PMEPA1: variants seen among roughly 807,000 people sequenced by gnomAD.
PMEPA1 encodes the protein protein TMEPAI.
In PMEPA1, 11 loss-of-function variants were observed where a neutral mutation model predicts 23.0. That is an observed-to-expected ratio of 0.48 (90% confidence interval 0.30 to 0.79). The LOEUF (loss-of-function observed/expected upper bound fraction) is 0.79, where lower values mean the gene tolerates loss of function less well. Ranked by LOEUF, PMEPA1 falls within the 30% of genes least tolerant of loss-of-function variation. PMEPA1 has a pLI of 0.06. For synonymous variants in PMEPA1, 204 were observed against 166.4 expected (o/e 1.23, Z -1.74); for missense variants, 377 against 390.9 (o/e 0.96, Z 0.30).
At chr20:57,663,996 C>T (rs2071458438) in intron 1 of PMEPA1, among the ~76,000 whole-genome samples, 1 of 152,234 alleles carries the variant, frequency 6.6e-6, no homozygotes, top group South Asian at 2.1e-4. Context: ...GAGGAGGCAC[C>T]TTCCACGCAC....
intron 1 of PMEPA1, among the ~76,000 whole-genome samples, chr20:57,707,070 G>T (rs1192658978): frequency 2.0e-5 from 3 of 152,308 alleles, no homozygotes; most frequent in East Asian, 3.9e-4. Context: ...TCTGCCAAAA[G>T]AAGGTATCTT....
At chr20:57,654,559 ATTC>A (rs1266368024) in intron 2 of PMEPA1, among the ~76,000 whole-genome samples, 1 of 152,104 alleles carries the variant, frequency 6.6e-6, no homozygotes, top group African/African-American at 2.4e-5. Context: ...TGGCTCTGAT[ATTC>A]TTCAAGTTGC....
chr20:57,709,857 G>A lies in PMEPA1; in HGVS notation c.-275C>T, dbSNP rs879695728. The A allele has an allele frequency of 1.3e-5, 13 of 988,330 alleles. No homozygotes were observed. Among genetic ancestry groups the A allele is most frequent in the Non-Finnish European group, 1.6e-5 (13 of 832,392 alleles). 61.2% of individuals were successfully genotyped at this position (988,330 alleles called of 1,614,324 possible). ...GGCGTCCGGAAAATGGGCTGGCAGC[G>A]GGGCGCGCGCTGCCGCCGGGGCTGA... On this transcript the variant is annotated 5_prime_UTR_variant, in exon 1 of 4. Coordinates refer to ENST00000341744, the MANE Select transcript of PMEPA1 (RefSeq NM_020182.5).
rs561139351 is a variant in PMEPA1, at chr20:57,659,793, G to C, written c.110-96C>G. On this transcript the variant is annotated intron_variant, in intron 1 of 3. Coordinates refer to ENST00000341744, the MANE Select transcript of PMEPA1 (RefSeq NM_020182.5). ...TTGAGCTTTTTCACCCACCTAGGGG[G>C]ACGAGAGTGCAACCCAGACTCAGGA... 1,556 of 1,162,364 alleles carry C rather than the reference G, an allele frequency of 1.3e-3. 4 individuals are homozygous for C. The highest frequency in any genetic ancestry group is 3.8e-3 in the Middle Eastern group (19 of 4,978). 72.0% of individuals were successfully genotyped at this position (1,162,364 alleles called of 1,614,324 possible). A position where few individuals can be genotyped will look rare whatever the true frequency, so the allele number is the denominator to read the frequency against.
chr20:57,710,441 A>G, upstream of PMEPA1: 2 of 1,599,976 alleles, frequency 1.3e-6, no homozygotes, highest in Non-Finnish European at 1.7e-6. Context: ...AGGGGGAGGA[A>G]GCCCCCAAGA....
rs963406846 is a variant in PMEPA1 at position 57,704,515 on chromosome 20, A to G, written c.109+4959T>C. 6.6e-6 allele frequency among the ~76,000 whole-genome samples: 1 copy of G among 152,180 alleles called. No homozygotes were observed. Among genetic ancestry groups the G allele is most frequent in the African/African-American group, 2.4e-5 (1 of 41,438 alleles). On this transcript the variant is annotated intron_variant, in intron 1 of 3. Transcript: ENST00000341744. The surrounding 1 kb of genome is among the most constrained non-coding windows in gnomAD (Gnocchi z 4.6). The stretch of plus-strand genomic sequence containing the variant: ...TCTCTCAGCATGTGCACCGTACAGA[A>G]CCCGAGGCTGGCAGCAGCACAGCCT...
chr20:57,681,945 C>A (rs996613909), intron 1 of PMEPA1, among the ~76,000 whole-genome samples: 17 of 152,168 alleles, frequency 1.1e-4, no homozygotes, highest in Non-Finnish European at 2.1e-4. Flanking sequence ...CTGAGAGACC[C>A]TCTCAGACCA....
chr20:57,653,638 A>G (rs2071285376), intron 2 of PMEPA1, among the ~76,000 whole-genome samples: 1 of 152,194 alleles, frequency 6.6e-6, no homozygotes, highest in Admixed American at 6.5e-5. Flanking sequence ...TAGCATGTGA[A>G]TGTGCTGGGT....
At chr20:57,668,001 C>G (rs1054060417) in intron 1 of PMEPA1, among the ~76,000 whole-genome samples, 4 of 152,228 alleles carry the variant, frequency 2.6e-5, no homozygotes, top group African/African-American at 9.6e-5. Flanking sequence ...AAAATTTGCT[C>G]TGTCTTCCTC....
chr20:57,652,972 G>T lies in PMEPA1; in HGVS notation c.318+61C>A. ...TTTAGCAGCCCACACTGTTCCAGCC[G>T]CAGCGGGAGCAGCCCAGGGTGGGAT... On this transcript the variant is annotated intron_variant, in intron 3 of 3. Coordinates refer to ENST00000341744, the MANE Select transcript of PMEPA1 (RefSeq NM_020182.5). This position sits in a 1 kb window ranked among gnomAD's most constrained non-coding sequence, Gnocchi z 6.1. The T allele has an allele frequency of 7.2e-7, 1 of 1,389,984 alleles. No homozygotes were observed. Among genetic ancestry groups the T allele is most frequent in the Non-Finnish European group, 1.0e-6 (1 of 996,492 alleles). The allele number at this position is 1,389,984 out of a possible 1,614,324, so 86.1% of individuals were successfully genotyped here. A position where few individuals can be genotyped will look rare whatever the true frequency, so the allele number is the denominator to read the frequency against.
At chr20:57,674,053 A>T (rs999247079) in intron 1 of PMEPA1, among the ~76,000 whole-genome samples, 12 of 152,036 alleles carry the variant, frequency 7.9e-5, no homozygotes, top group Admixed American at 5.2e-4. Context: ...CCCTTCCCAA[A>T]CCCTCTGTTT....
intron 1 of PMEPA1, among the ~76,000 whole-genome samples, chr20:57,702,296 T>C (rs2072022250): frequency 6.6e-6 from 1 of 152,180 alleles, no homozygotes; most frequent in Admixed American, 6.5e-5. Context: ...CCTGGGAACA[T>C]TCCCCAGCTA....
intron 1 of PMEPA1, among the ~76,000 whole-genome samples, chr20:57,684,029 C>T (rs568143799): frequency 6.6e-6 from 1 of 152,172 alleles, no homozygotes; most frequent in Admixed American, 6.5e-5. Context: ...CCCCCGGCTC[C>T]GCAACACCGC....
chr20:57,697,291 C>T (rs970892089), intron 1 of PMEPA1, among the ~76,000 whole-genome samples: 8 of 152,216 alleles, frequency 5.3e-5, no homozygotes, highest in Non-Finnish European at 1.0e-4. Flanking sequence ...CTCTGAACCC[C>T]GACTGGGAGC....
chr20:57,705,920 T>G (rs969472578), intron 1 of PMEPA1, among the ~76,000 whole-genome samples: 1 of 152,190 alleles, frequency 6.6e-6, no homozygotes, highest in East Asian at 1.9e-4. Flanking sequence ...GGGCTCAGAA[T>G]GTCACAGTGC....
chr20:57,710,466 C>T (rs374696773), upstream of PMEPA1: 5 of 1,608,194 alleles, frequency 3.1e-6, no homozygotes, highest in South Asian at 3.3e-5. Flanking sequence ...TCACCCATTG[C>T]CTGGTTTCGC....
chr20:57,709,472 A>G lies in PMEPA1; in HGVS notation c.109+2T>C. ...CGGGGAGGGGGGCGTGGGGTCACTC[A>G]CTGATCTCCATGCTCTGGAACAAAG... On this transcript the variant is annotated splice_donor_variant, in intron 1 of 3. Transcript: ENST00000341744. LOFTEE classifies it high-confidence loss of function. The G allele has an allele frequency of 1.8e-6, 2 of 1,120,854 alleles. No homozygotes were observed. Among genetic ancestry groups the G allele is most frequent in the East Asian group, 5.4e-5 (1 of 18,600 alleles). The allele number at this position is 1,120,854 out of a possible 1,614,324, so 69.4% of individuals were successfully genotyped here.
chr20:57,652,525 T>C lies in PMEPA1; in HGVS notation c.392A>G (p.His131Arg), dbSNP rs568659313. The C allele has an allele frequency of 6.4e-7, 1 of 1,568,720 alleles. No homozygotes were observed. The highest frequency in any genetic ancestry group is 2.3e-5 in the East Asian group (1 of 44,260). Residue 131 changes from histidine to arginine, a missense_variant, in exon 4 of 4, where the codon CAC becomes CGC. By Grantham distance (29) the His-to-Arg change is conservative. Around this residue, in one of 3 missense-constraint regions of PMEPA1, gnomAD observed 198 missense variants for 196.3 expected, o/e 1.01. Transcript: ENST00000341744. The surrounding 1 kb of genome is among the most constrained non-coding windows in gnomAD (Gnocchi z 6.1). Reference sequence around the variant, plus strand: ...GTACGGATAGGTGGGCTGGAAGCGGTGGAAGCGCTCCCGCTGGGCGAAGGG... The same window carrying C: ...GTACGGATAGGTGGGCTGGAAGCGGCGGAAGCGCTCCCGCTGGGCGAAGGG... ...VPPFAQRERF[H>R]RFQPTYPYLQ...
At chr20:57,673,302 C>T (rs2071594426) in intron 1 of PMEPA1, among the ~76,000 whole-genome samples, 2 of 152,168 alleles carry the variant, frequency 1.3e-5, no homozygotes, top group Admixed American at 6.5e-5. Flanking sequence ...GCAGCCACTT[C>T]CTTCTCTGGC....
Sources: allele counts gnomAD v4.1 joint callset (sites outside exome capture counted in the v4.1 genomes callset), GRCh38; gene constraint gnomAD v4.1.1; regional missense constraint gnomAD v4.1.1; non-coding constraint Gnocchi (gnomAD v3.1); transcripts MANE v1.5; gene names NCBI Gene and HGNC (gene_info 2026-07-23, HGNC 2026-07-21).